ROBO2: variants seen among roughly 807,000 people sequenced by gnomAD.
The protein encoded by ROBO2 is roundabout guidance receptor 2, also known as roundabout homolog 2.
Under a neutral mutation model 160.8 loss-of-function variants are expected in ROBO2, and 53 were observed. The observed-to-expected ratio is 0.33, with a 90% CI of 0.26 to 0.41. The LOEUF (loss-of-function observed/expected upper bound fraction) is 0.41, where lower values mean the gene tolerates loss of function less well. Among genes scored for constraint, ROBO2 ranks in the 10% least tolerant of loss-of-function variants. ROBO2 has a pLI of 1.00. For missense variants in ROBO2, 1,577 were observed against 1,722.4 expected, an observed-to-expected ratio of 0.92 and a Z score of 1.49; for synonymous variants, 664 against 611.7, an observed-to-expected ratio of 1.09 and a Z score of -1.26.
At chr3:77,447,653 T>C (rs892320888) in intron 2 of ROBO2, among the ~76,000 whole-genome samples, 1 of 152,128 alleles carries the variant, frequency 6.6e-6, no homozygotes, top group Non-Finnish European at 1.5e-5. Flanking sequence ...TGCAGGAGCA[T>C]CAGCGATAGT....
At chr3:77,277,154 T>TTCCTTCTC (rs1488866111) in intron 2 of ROBO2, among the ~76,000 whole-genome samples, 1 of 107,116 alleles carries the variant, frequency 9.3e-6, no homozygotes, top group Non-Finnish European at 2.0e-5. Context: ...CTTTCCTTCT[T>TTCCTTCTC]TCCTTCTTTC....
At chr3:77,420,135 A>G (rs1046580846) in intron 2 of ROBO2, among the ~76,000 whole-genome samples, 7 of 152,152 alleles carry the variant, frequency 4.6e-5, no homozygotes. Flanking sequence ...AAATGACTTC[A>G]GTAAGATGGA....
At chr3:77,454,457 TAA>T (rs1200340561) in intron 2 of ROBO2, among the ~76,000 whole-genome samples, 2 of 152,170 alleles carry the variant, frequency 1.3e-5, no homozygotes, top group Non-Finnish European at 2.9e-5. Context: ...GGTGTTATAT[TAA>T]GACACCCTTT....
intron 2 of ROBO2, among the ~76,000 whole-genome samples, chr3:77,422,698 C>G (rs2077820929): frequency 6.6e-6 from 1 of 152,120 alleles, no homozygotes; most frequent in Admixed American, 6.5e-5. Context: ...ATTGTTCTGT[C>G]TTTATTGCTT....
At chr3:77,421,883 A>G (rs2077746236) in intron 2 of ROBO2, among the ~76,000 whole-genome samples, 1 of 152,198 alleles carries the variant, frequency 6.6e-6, no homozygotes, top group African/African-American at 2.4e-5. Flanking sequence ...TTAAAAAACA[A>G]GATCTGCTGT....
chr3:76,805,738 A>G (rs1234591104), intron 2 of ROBO2, among the ~76,000 whole-genome samples: 4 of 151,412 alleles, frequency 2.6e-5, no homozygotes, highest in African/African-American at 9.7e-5. Flanking sequence ...TTATATATCA[A>G]TAAGCAACCT....
chr3:76,226,409 C>G (rs947943955), intron 2 of ROBO2, among the ~76,000 whole-genome samples: 10 of 151,964 alleles, frequency 6.6e-5, no homozygotes, highest in Non-Finnish European at 1.2e-4. Flanking sequence ...CTGGTGTGTG[C>G]CCTGAAGGGT....
At chr3:76,474,257 T>C (rs2078815713) in intron 2 of ROBO2, among the ~76,000 whole-genome samples, 1 of 152,120 alleles carries the variant, frequency 6.6e-6, no homozygotes, top group Admixed American at 6.6e-5. Context: ...TTAATGCCAC[T>C]AGAGAGGAAA....
chr3:76,415,028 A>G (rs2075695687), intron 2 of ROBO2, among the ~76,000 whole-genome samples: 2 of 152,166 alleles, frequency 1.3e-5, no homozygotes, highest in Admixed American at 1.3e-4. Context: ...GGATTACATA[A>G]AAATAAGACG....
chr3:77,412,493 AG>A lies in ROBO2; in HGVS notation c.389-64920del, dbSNP rs994670273. On this transcript the variant is annotated intron_variant, in intron 2 of 25. Transcript: ENST00000461745. ...AGATCTACTGAAGGCACTGTATAAA[AG>A]AGCCCTAGTTTGAGCACTGCTGTCT... Among the ~76,000 whole-genome samples the A allele has an allele frequency of 7.3e-4, 111 of 152,360 alleles. 1 individual carries two copies. The highest frequency in any genetic ancestry group is 2.5e-3 in the African/African-American group (105 of 41,588).
chr3:76,808,397 G>A (rs2064904522), intron 2 of ROBO2, among the ~76,000 whole-genome samples: 1 of 152,032 alleles, frequency 6.6e-6, no homozygotes, highest in Non-Finnish European at 1.5e-5. Context: ...TATTTTTTGA[G>A]CACCTCCTTC....
At chr3:77,130,561 T>C (rs950052316) in intron 2 of ROBO2, among the ~76,000 whole-genome samples, 1 of 152,250 alleles carries the variant, frequency 6.6e-6, no homozygotes, top group Non-Finnish European at 1.5e-5. Context: ...GCTGCAATTA[T>C]GTTTGCACCA....
At chr3:77,319,375 T>C (rs1009801985) in intron 2 of ROBO2, among the ~76,000 whole-genome samples, 2 of 152,160 alleles carry the variant, frequency 1.3e-5, no homozygotes, top group Non-Finnish European at 2.9e-5. Context: ...GAGGCATACA[T>C]ACAGAAATCT....
chr3:76,966,900 A>G (rs1211799161), intron 2 of ROBO2, among the ~76,000 whole-genome samples: 1 of 152,252 alleles, frequency 6.6e-6, no homozygotes, highest in Admixed American at 6.5e-5. Flanking sequence ...GTTTTGCTTG[A>G]GACATCTTGT....
At chr3:77,420,405 G>A (rs1032670891) in intron 2 of ROBO2, among the ~76,000 whole-genome samples, 4 of 152,084 alleles carry the variant, frequency 2.6e-5, no homozygotes, top group African/African-American at 9.7e-5. Flanking sequence ...TAGATATTGG[G>A]CTTTCTCTTG....
chr3:76,971,507 T>C (rs2059570434), intron 2 of ROBO2, among the ~76,000 whole-genome samples: 1 of 152,042 alleles, frequency 6.6e-6, no homozygotes, highest in Admixed American at 6.6e-5. Context: ...ACATGAAGAA[T>C]AAGCATATGT....
intron 2 of ROBO2, among the ~76,000 whole-genome samples, chr3:76,346,845 T>G (rs2108241867): frequency 6.6e-6 from 1 of 152,280 alleles, no homozygotes; most frequent in Non-Finnish European, 1.5e-5. Flanking sequence ...CAAAATAAAT[T>G]ACTCTGTATG....
intron 2 of ROBO2, among the ~76,000 whole-genome samples, chr3:76,265,697 A>G (rs1169169055): frequency 6.6e-6 from 1 of 152,186 alleles, no homozygotes; most frequent in Admixed American, 6.5e-5. Context: ...CAGAAAGGAA[A>G]ATGAAGACTC....
At chr3:76,869,739 C>A (rs956269677) in intron 2 of ROBO2, among the ~76,000 whole-genome samples, 3 of 152,050 alleles carry the variant, frequency 2.0e-5, no homozygotes, top group African/African-American at 7.2e-5. Flanking sequence ...CTATTTCCTG[C>A]ATTTATATTG....
Sources: gnomAD v4.1 joint callset for allele counts (sites outside exome capture counted in the v4.1 genomes callset) on GRCh38, gnomAD v4.1.1 for gene constraint, MANE v1.5 for transcripts, NCBI Gene and HGNC (gene_info 2026-07-23, HGNC 2026-07-21) for gene names.